The following EPHA6 variants were observed in gnomAD, a reference collection of about 807,000 sequenced individuals.
EPHA6 encodes EPH receptor A6.
EPHA6 carries 50 observed loss-of-function variants against 112.0 expected under a neutral mutation model. The observed-to-expected ratio is 0.45, with a 90% CI of 0.36 to 0.56. The LOEUF (loss-of-function observed/expected upper bound fraction) is 0.56, where lower values mean the gene tolerates loss of function less well. EPHA6 is among the 20% of genes least tolerant of loss of function. The pLI is 0.00. For synonymous variants in EPHA6, 529 were observed against 490.7 expected (o/e 1.08, Z -1.03); for missense variants, 1,280 against 1,417.4 (o/e 0.90, Z 1.56).
chr3:97,073,279 T>A (rs1050592341), intron 3 of EPHA6, among the ~76,000 whole-genome samples: 14 of 152,278 alleles, frequency 9.2e-5, no homozygotes, highest in East Asian at 1.9e-4. Context: ...TTCATGCCGC[T>A]CGTTGTTTCT....
Position 97,748,842 on chromosome 3 carries a change from T to C in EPHA6, c.*141T>C, listed in dbSNP as rs2035821419. 8.1e-6 allele frequency: 5 copies of C among 616,312 alleles called. No homozygotes were observed. Among genetic ancestry groups the C allele is most frequent in the Non-Finnish European group, 1.2e-5 (4 of 340,186 alleles). The allele number at this position is 616,312 out of a possible 1,614,324, so 38.2% of individuals were successfully genotyped here. A position where few individuals can be genotyped will look rare whatever the true frequency, so the allele number is the denominator to read the frequency against. On this transcript the variant is annotated 3_prime_UTR_variant, in exon 18 of 18. Coordinates refer to ENST00000389672, the MANE Select transcript of EPHA6 (RefSeq NM_001080448.3). ...TCAGACTATAGGCACACACCTTATGTTTATGCTTCCAACCAGGATTTTAAA... is the reference window on the plus strand; with the variant it reads ...TCAGACTATAGGCACACACCTTATGCTTATGCTTCCAACCAGGATTTTAAA...
intron 3 of EPHA6, among the ~76,000 whole-genome samples, chr3:97,217,341 T>C (rs546653249): frequency 1.3e-5 from 2 of 152,238 alleles, no homozygotes; most frequent in South Asian, 4.2e-4. Context: ...TGGTAAAAAG[T>C]ATGTCACTTT....
chr3:97,527,467 T>G (rs549455654), intron 10 of EPHA6, among the ~76,000 whole-genome samples: 4 of 152,236 alleles, frequency 2.6e-5, no homozygotes, highest in African/African-American at 9.6e-5. Flanking sequence ...TTCTGCCATC[T>G]TATCTCATCC....
intron 2 of EPHA6, among the ~76,000 whole-genome samples, chr3:96,937,618 C>A (rs1378640682): frequency 6.6e-6 from 1 of 152,086 alleles, no homozygotes; most frequent in African/African-American, 2.4e-5. Context: ...TAATTAGATC[C>A]ATTTTTGTCA....
intron 5 of EPHA6, among the ~76,000 whole-genome samples, chr3:97,347,640 C>T (rs1320153703): frequency 6.6e-6 from 1 of 151,918 alleles, no homozygotes; most frequent in Non-Finnish European, 1.5e-5. Context: ...ATGGTTAAAT[C>T]AGTTAAGCTA....
At chr3:97,243,065 A>G (rs756801927) in intron 4 of EPHA6, among the ~76,000 whole-genome samples, 1 of 151,828 alleles carries the variant, frequency 6.6e-6, no homozygotes, top group African/African-American at 2.4e-5. Flanking sequence ...ACACAATTTT[A>G]AGGAAAGGCT....
At chr3:96,946,576 A>G (rs1057480311) in intron 2 of EPHA6, among the ~76,000 whole-genome samples, 10 of 152,130 alleles carry the variant, frequency 6.6e-5, no homozygotes, top group Non-Finnish European at 1.5e-4. Flanking sequence ...GTCTATCACT[A>G]ATGGACATTT....
intron 4 of EPHA6, among the ~76,000 whole-genome samples, chr3:97,239,112 C>T (rs1484156855): frequency 1.3e-5 from 2 of 151,748 alleles, no homozygotes; most frequent in Admixed American, 6.6e-5. Flanking sequence ...AGAAGCAATC[C>T]GTTTTGCCAT....
At chr3:97,734,992 A>G (rs1302121906) in intron 15 of EPHA6, among the ~76,000 whole-genome samples, 1 of 152,076 alleles carries the variant, frequency 6.6e-6, no homozygotes, top group Non-Finnish European at 1.5e-5. Flanking sequence ...AGTACCAAGA[A>G]AAATAGTTGT....
rs191664918 is a variant in EPHA6, at chr3:96,907,061, C to T, written c.450+40172C>T. On this transcript the variant is annotated intron_variant, in intron 2 of 17. Coordinates refer to ENST00000389672, the MANE Select transcript of EPHA6 (RefSeq NM_001080448.3). ...ATAAAAGAGGACTTCTGCCACTTGT[C>T]CTACTCTCCTGATGAACTATTATGG... Among the ~76,000 whole-genome samples the T allele has an allele frequency of 4.0e-5, 6 of 151,718 alleles. No individual in the cohort carries two copies. The East Asian group carries it at 1.2e-3, about 30-fold the overall frequency.
intron 3 of EPHA6, among the ~76,000 whole-genome samples, chr3:97,001,274 G>A (rs1388762636): frequency 1.3e-5 from 2 of 151,736 alleles, no homozygotes; most frequent in Non-Finnish European, 2.9e-5. Flanking sequence ...GAAGAATAAT[G>A]TATTTTACAT....
intron 11 of EPHA6, among the ~76,000 whole-genome samples, chr3:97,586,441 C>T (rs1191638897): frequency 1.3e-5 from 2 of 152,080 alleles, no homozygotes; most frequent in South Asian, 2.1e-4. Flanking sequence ...GCCTCATCCA[C>T]CATCACAGAA....
At chr3:97,044,299 A>G (rs1166104343) in intron 3 of EPHA6, among the ~76,000 whole-genome samples, 2 of 152,170 alleles carry the variant, frequency 1.3e-5, no homozygotes, top group African/African-American at 4.8e-5. Context: ...CATTAATCAA[A>G]CACTTCAAGC....
chr3:97,642,577 A>G (rs1423542653), intron 14 of EPHA6, among the ~76,000 whole-genome samples: 1 of 151,686 alleles, frequency 6.6e-6, no homozygotes, highest in Non-Finnish European at 1.5e-5. Context: ...AGAATAACCA[A>G]TACAGAGAAG....
rs543762759 is a variant in EPHA6, at chr3:96,821,110, G to A, written c.385+6102G>A. ...CAGGATATGTGATATTTTTGGGGAT[G>A]GAGTGAGGGAAGAAACTGTTATACT... is the stretch of plus-strand genomic sequence containing the variant. On this transcript the variant is annotated intron_variant, in intron 1 of 17. Transcript: ENST00000389672. Among the ~76,000 whole-genome samples the A allele has an allele frequency of 5.3e-5, 8 of 151,992 alleles. No homozygotes were observed. In the East Asian group the frequency reaches 1.5e-3, roughly 29 times the overall value.
intron 3 of EPHA6, among the ~76,000 whole-genome samples, chr3:96,999,018 C>T (rs1044227395): frequency 2.6e-5 from 4 of 151,988 alleles, no homozygotes; most frequent in Non-Finnish European, 5.9e-5. Flanking sequence ...TACTTTGTTA[C>T]ATAATTCTCT....
intron 3 of EPHA6, among the ~76,000 whole-genome samples, chr3:97,141,516 C>T (rs1056428891): frequency 2.0e-5 from 3 of 152,040 alleles, no homozygotes; most frequent in Admixed American, 6.6e-5. Flanking sequence ...TAAAATTAGA[C>T]GTCAGTGCAC....
intron 6 of EPHA6, among the ~76,000 whole-genome samples, chr3:97,443,225 G>A (rs2090199554): frequency 6.6e-6 from 1 of 151,948 alleles, no homozygotes; most frequent in South Asian, 2.1e-4. Context: ...GAGAAAGGAT[G>A]TAAATGACTT....
intron 5 of EPHA6, among the ~76,000 whole-genome samples, chr3:97,372,816 C>T (rs894907751): frequency 6.6e-6 from 1 of 152,020 alleles, no homozygotes; most frequent in Non-Finnish European, 1.5e-5. Flanking sequence ...TCTATCTGTA[C>T]ACTGTTAGCA....
Sources: gnomAD v4.1 joint callset for allele counts (sites outside exome capture counted in the v4.1 genomes callset) on GRCh38, gnomAD v4.1.1 for gene constraint, MANE v1.5 for transcripts, NCBI Gene and HGNC (gene_info 2026-07-23, HGNC 2026-07-21) for gene names.